Variants in MLANA observed in about 807,000 individuals in gnomAD.
The protein encoded by MLANA is melanoma antigen recognized by T-cells 1.
MLANA carries 21 observed loss-of-function variants against 15.7 expected under a neutral mutation model. That is an observed-to-expected ratio of 1.33 (90% CI 0.95 to 1.92). MLANA has a LOEUF of 1.92. Among genes scored for constraint, MLANA ranks in the 40% most tolerant of loss-of-function variants. MLANA has a pLI of 0.00. For synonymous variants in MLANA, 56 were observed against 51.5 expected, an observed-to-expected ratio of 1.09 and a Z score of -0.37; for missense variants, 164 against 143.8, an observed-to-expected ratio of 1.14 and a Z score of -0.72.
At position 5,897,622 on chromosome 9, in the gene MLANA, G is replaced by A; in HGVS notation, c.143G>A (p.Cys48Tyr). The change falls in exon 3 of 5, where the codon TGT (cysteine) becomes TAT (tyrosine). Residue 48 changes from cysteine (C) to tyrosine (Y), a missense_variant. Transcript: ENST00000381477. ...GVLLLIGCWY[C>Y]RRRNGYRALM... ...TTACTGCTCATCGGCTGTTGGTATT[G>A]TAGAAGACGAAATGGATACAGAGCC... 6.2e-7 allele frequency: 1 copy of A among 1,614,108 alleles called. No homozygotes were observed. Among genetic ancestry groups the A allele is most frequent in the Non-Finnish European group, 8.5e-7 (1 of 1,179,948 alleles).
intron 2 of MLANA, among the ~76,000 whole-genome samples, chr9:5,895,198 G>C (rs1831933221): frequency 6.6e-6 from 1 of 152,202 alleles, no homozygotes; most frequent in South Asian, 2.1e-4. Flanking sequence ...CAGTCTGTGA[G>C]TGTAGGAACC....
chr9:5,907,929 G>A (rs1373204808), intron 4 of MLANA, among the ~76,000 whole-genome samples: 1 of 152,110 alleles, frequency 6.6e-6, no homozygotes, highest in Non-Finnish European at 1.5e-5. Context: ...CTCCAGCCTG[G>A]GAGACAAGAG....
intron 4 of MLANA, 99 bp from the exon 5 acceptor site, chr9:5,908,541 C>T (rs2130009159): frequency 1.9e-6 from 2 of 1,067,678 alleles, no homozygotes; most frequent in South Asian, 2.8e-5. Flanking sequence ...TTTCAGTCCA[C>T]AGGGAAAGTA....
intron 4 of MLANA, 122 bp downstream of exon 4, chr9:5,907,120 T>C (rs913051034): frequency 7.4e-6 from 4 of 537,620 alleles, no homozygotes; most frequent in African/African-American, 4.0e-5. Flanking sequence ...CTGAACTATA[T>C]ACACCTAAAA....
intron 4 of MLANA, among the ~76,000 whole-genome samples, chr9:5,907,466 T>C (rs1356470985): frequency 6.6e-6 from 1 of 152,178 alleles, no homozygotes; most frequent in Non-Finnish European, 1.5e-5. Context: ...ACACAGGAGT[T>C]TGAAATAAGA....
chr9:5,893,733 G>T (rs1027498997), intron 2 of MLANA, among the ~76,000 whole-genome samples: 1 of 152,052 alleles, frequency 6.6e-6, no homozygotes, highest in Non-Finnish European at 1.5e-5. Context: ...AGAGTTCAAG[G>T]CCTGTTCGTT....
chr9:5,908,870 A>G lies in MLANA; in HGVS notation c.*162A>G, dbSNP rs930716366. 3 of 610,712 alleles carry G rather than the reference A, an allele frequency of 4.9e-6. No homozygotes were observed. Among genetic ancestry groups the G allele is most frequent in the Non-Finnish European group, 8.7e-6 (3 of 345,330 alleles). 37.8% of individuals were successfully genotyped at this position (610,712 alleles called of 1,614,324 possible). ...AAATTTTAGTAGGTCCGCTAGCAGT[A>G]CTAATCATGTGAGGAAATGATGAGA... On this transcript the variant is annotated 3_prime_UTR_variant, in exon 5 of 5. Transcript: ENST00000381477.
At chr9:5,897,319 G>C (rs1832092084) in intron 2 of MLANA, among the ~76,000 whole-genome samples, 1 of 152,226 alleles carries the variant, frequency 6.6e-6, no homozygotes, top group African/African-American at 2.4e-5. Flanking sequence ...CCTGGGCCAT[G>C]CCAATTAGCA....
chr9:5,893,694 TTA>T (rs1268328476), intron 2 of MLANA, among the ~76,000 whole-genome samples: 2 of 152,134 alleles, frequency 1.3e-5, no homozygotes, highest in Admixed American at 1.3e-4. Context: ...AAATATACTT[TTA>T]TGTCTCGTGT....
At position 5,892,526 on chromosome 9, in the gene MLANA, G is replaced by A. The variant is rs867982085; in HGVS notation, c.52G>A (p.Gly18Ser). ...FIYGYPKKGH[G>S]HSYTTAEEAA... ...CTATGGTTACCCCAAGAAGGGGCAC[G>A]GCCACTCTTACACCACGGCTGAAGA... is the stretch of plus-strand genomic sequence containing the variant. The change falls in exon 2 of 5, where the codon GGC becomes AGC. Residue 18 changes from glycine (G) to serine (S), a missense_variant. Gly to Ser is a moderately conservative substitution (Grantham distance 56, BLOSUM62 0). Coordinates refer to ENST00000381477, the MANE Select transcript of MLANA (RefSeq NM_005511.2). The A allele has an allele frequency of 4.3e-6, 7 of 1,613,508 alleles. No homozygotes were observed. Among genetic ancestry groups the A allele is most frequent in the African/African-American group, 1.3e-5 (1 of 74,888 alleles).
At chr9:5,891,752 G>C (rs1831670060) in intron 1 of MLANA, among the ~76,000 whole-genome samples, 1 of 152,224 alleles carries the variant, frequency 6.6e-6, no homozygotes, top group African/African-American at 2.4e-5. Flanking sequence ...TTGAACCAGA[G>C]AGAAGCAGAA....
intron 2 of MLANA, among the ~76,000 whole-genome samples, chr9:5,893,377 T>C (rs974153079): frequency 6.6e-6 from 1 of 152,198 alleles, no homozygotes; most frequent in Admixed American, 6.5e-5. Context: ...CAGAACTCCC[T>C]GTGAACCTGC....
At chr9:5,901,245 C>T (rs1832403462) in intron 3 of MLANA, among the ~76,000 whole-genome samples, 1 of 152,046 alleles carries the variant, frequency 6.6e-6, no homozygotes, top group African/African-American at 2.4e-5. Flanking sequence ...TTATTTGCAA[C>T]TTCCAGTATG....
At chr9:5,906,186 T>TA (rs34203799) in intron 3 of MLANA, among the ~76,000 whole-genome samples, 27,944 of 140,334 alleles carry the variant, frequency 0.2, 2,813 homozygotes, top group Middle Eastern at 0.31. Flanking sequence ...TCATGTCTCT[T>TA]AAAAAAAAAA....
At position 5,909,565 on chromosome 9, in the gene MLANA, A is replaced by G. The variant is rs1389954050; in HGVS notation, c.*857A>G. The G allele has an allele frequency of 3.3e-5, 5 of 152,230 alleles. No individual in the cohort carries two copies. The highest frequency in any genetic ancestry group is 6.5e-5 in the Admixed American group (1 of 15,282). The allele number at this position is 152,230 out of a possible 1,614,324, so 9.4% of individuals were successfully genotyped here. On this transcript the variant is annotated 3_prime_UTR_variant, in exon 5 of 5. Transcript: ENST00000381477. The stretch of plus-strand genomic sequence containing the variant: ...GAGCCACCACGCCTGGCTGGATCCT[A>G]TATCTTAGGTAAGACATATAACGCA...
At chr9:5,897,722 T>C (rs1832126920) in intron 3 of MLANA, 69 bp downstream of exon 3, 1 of 1,320,294 alleles carries the variant, frequency 7.6e-7, no homozygotes, top group Admixed American at 1.7e-5. Flanking sequence ...TTCCTCTGAA[T>C]CTCTGGAGAG....
intron 3 of MLANA, among the ~76,000 whole-genome samples, chr9:5,903,656 T>C (rs921559473): frequency 6.6e-6 from 1 of 152,202 alleles, no homozygotes; most frequent in African/African-American, 2.4e-5. Flanking sequence ...TATCAGTTTT[T>C]ATCTCATGTA....
intron 3 of MLANA, among the ~76,000 whole-genome samples, chr9:5,899,473 G>A (rs1451006800): frequency 6.6e-6 from 1 of 152,152 alleles, no homozygotes; most frequent in Non-Finnish European, 1.5e-5. Context: ...CACACCCACC[G>A]AGCATAGCCC....
intron 3 of MLANA, among the ~76,000 whole-genome samples, chr9:5,903,150 T>C (rs1008431312): frequency 1.3e-5 from 2 of 152,230 alleles, no homozygotes; most frequent in African/African-American, 2.4e-5. Flanking sequence ...TCTTTCTGTA[T>C]TGATTTCTGC....
Sources: allele counts gnomAD v4.1 joint callset (sites outside exome capture counted in the v4.1 genomes callset), GRCh38; gene constraint gnomAD v4.1.1; transcripts MANE v1.5; gene names NCBI Gene and HGNC (gene_info 2026-07-23, HGNC 2026-07-21).